The following PAPOLA variants were observed in gnomAD, a reference collection of about 807,000 sequenced individuals.
PAPOLA encodes poly(A) polymerase alpha.
PAPOLA carries 15 observed loss-of-function variants against 100.6 expected under a neutral mutation model. The ratio of observed to expected loss-of-function variants is 0.15; its 90% CI spans 0.10 to 0.23. PAPOLA has a LOEUF of 0.23. Ranked by LOEUF, PAPOLA falls within the 10% of genes least tolerant of loss-of-function variation. The probability of loss-of-function intolerance (pLI) is 1.00; values close to 1 mark genes in which losing one functional copy is unlikely to be tolerated. For missense variants in PAPOLA, 533 were observed against 884.2 expected (o/e 0.60, Z 5.04); for synonymous variants, 293 against 300.0 (o/e 0.98, Z 0.24).
intron 13 of PAPOLA, 99 bp from the exon 14 acceptor site, chr14:96,542,674 TG>T: frequency 9.0e-7 from 1 of 1,111,954 alleles, no homozygotes; most frequent in Non-Finnish European, 1.3e-6. Flanking sequence ...GTTTTATCTG[TG>T]GGAGTTCAGC....
At chr14:96,560,849 TGC>T in intron 20 of PAPOLA, 138 bp downstream of exon 20, 1 of 584,462 alleles carries the variant, frequency 1.7e-6, no homozygotes, top group South Asian at 2.5e-5. Context: ...AATTATGTAA[TGC>T]TGAACACTGA....
Position 96,533,214 on chromosome 14 carries a change from A to G in PAPOLA, c.836+565A>G, listed in dbSNP as rs1183855515. ...CGTTTCATTTCCACATATGTCAACT[A>G]TGATTTAAGAAAAAGTAGAATAAAA... On this transcript the variant is annotated intron_variant, in intron 9 of 21. Coordinates refer to ENST00000216277, the MANE Select transcript of PAPOLA (RefSeq NM_032632.5). 9 of 982,576 alleles carry G rather than the reference A, an allele frequency of 9.2e-6. No homozygotes were observed. The East Asian group carries it at 9.1e-4, about 99-fold the overall frequency. 60.9% of individuals were successfully genotyped at this position (982,576 alleles called of 1,614,324 possible).
Position 96,566,402 on chromosome 14 carries a change from A to G in PAPOLA, c.*1352A>G, listed in dbSNP as rs748380204. 1 of 152,898 alleles carries G rather than the reference A, an allele frequency of 6.5e-6. No individual in the cohort carries two copies. Among genetic ancestry groups the G allele is most frequent in the Non-Finnish European group, 1.5e-5 (1 of 68,214 alleles). 9.5% of individuals were successfully genotyped at this position (152,898 alleles called of 1,614,324 possible). A position where few individuals can be genotyped will look rare whatever the true frequency, so the allele number is the denominator to read the frequency against. On this transcript the variant is annotated 3_prime_UTR_variant, in exon 22 of 22. Coordinates refer to ENST00000216277, the MANE Select transcript of PAPOLA (RefSeq NM_032632.5). ...CTTCACAAAGTATGAGGGATGCCAG[A>G]TGTTGATAAACTTACTCTTTCTGAA... is the stretch of plus-strand genomic sequence containing the variant.
intron 15 of PAPOLA, among the ~76,000 whole-genome samples, chr14:96,547,219 A>G (rs538736761): frequency 1.3e-5 from 2 of 152,176 alleles, no homozygotes; most frequent in East Asian, 3.9e-4. Flanking sequence ...GTTTTGTATG[A>G]CCGACTTTTT....
intron 6 of PAPOLA, among the ~76,000 whole-genome samples, chr14:96,530,185 T>G (rs1898871244): frequency 1.3e-5 from 2 of 152,210 alleles, no homozygotes; most frequent in African/African-American, 2.4e-5. Flanking sequence ...CTTTTTAGTA[T>G]GTAATCAATT....
intron 10 of PAPOLA, chr14:96,535,383 C>A (rs1208594030): frequency 1.0e-6 from 1 of 978,190 alleles, no homozygotes; most frequent in East Asian, 1.1e-4. Context: ...AACAGTATAT[C>A]ATTTCATTAT....
intron 3 of PAPOLA, among the ~76,000 whole-genome samples, chr14:96,524,201 C>T (rs1339638777): frequency 1.3e-5 from 2 of 151,798 alleles, no homozygotes; most frequent in Non-Finnish European, 1.5e-5. Flanking sequence ...ATTGACTAAA[C>T]ACTTCATAAA....
intron 3 of PAPOLA, among the ~76,000 whole-genome samples, chr14:96,522,815 A>G (rs1350257111): frequency 6.6e-6 from 1 of 152,142 alleles, no homozygotes; most frequent in African/African-American, 2.4e-5. Context: ...TGTGGAGTTC[A>G]TTTGACCCAT....
chr14:96,502,607 A>T lies in PAPOLA; in HGVS notation c.8+7A>T. On this transcript the variant is annotated splice_region_variant and intron_variant, in intron 1 of 21. Transcript: ENST00000216277. ...CGCCGGAGACGATGCCGTTGTAAGT[A>T]ATTTGTATTCTGTTTTCTTTCGCTC... The T allele has an allele frequency of 6.3e-7, 1 of 1,577,272 alleles. No individual in the cohort carries two copies. Among genetic ancestry groups the T allele is most frequent in the Non-Finnish European group, 8.6e-7 (1 of 1,161,994 alleles).
chr14:96,534,227 T>C, intron 9 of PAPOLA: 1 of 1,267,092 alleles, frequency 7.9e-7, no homozygotes, highest in Non-Finnish European at 9.9e-7. Context: ...CTTCTTTATT[T>C]AAATAGTCCT....
intron 8 of PAPOLA, 26 bp from the exon 9 acceptor site, chr14:96,532,485 T>C (rs1185931405): frequency 6.2e-7 from 1 of 1,605,712 alleles, no homozygotes; most frequent in Non-Finnish European, 8.5e-7. Flanking sequence ...CACTAACTTA[T>C]CTTTTTGCTT....
chr14:96,555,721 G>C (rs1901260177), intron 17 of PAPOLA, 126 bp from the exon 18 acceptor site: 4 of 492,702 alleles, frequency 8.1e-6, no homozygotes, highest in Non-Finnish European at 1.4e-5. Flanking sequence ...TGTATGTATA[G>C]GAAGTAAAAC....
chr14:96,512,377 A>G, intron 1 of PAPOLA, among the ~76,000 whole-genome samples: 1 of 152,154 alleles, frequency 6.6e-6, no homozygotes, highest in South Asian at 2.1e-4. Context: ...CATCTCTAAA[A>G]TTAAAAAAAT....
intron 3 of PAPOLA, among the ~76,000 whole-genome samples, 156 bp downstream of exon 3, chr14:96,521,228 G>C (rs1897937949): frequency 6.6e-6 from 1 of 152,038 alleles, no homozygotes; most frequent in African/African-American, 2.4e-5. Context: ...TATTTTTCTA[G>C]TTAATTTGGA....
At chr14:96,544,431 C>G (rs896626709) in intron 15 of PAPOLA, among the ~76,000 whole-genome samples, 173 bp downstream of exon 15, 1 of 152,032 alleles carries the variant, frequency 6.6e-6, no homozygotes, top group Admixed American at 6.6e-5. Flanking sequence ...TCCTTATCCA[C>G]AATGCTTGGG....
At chr14:96,502,673 T>C in intron 1 of PAPOLA, 73 bp downstream of exon 1, 2 of 1,519,588 alleles carry the variant, frequency 1.3e-6, no homozygotes, top group Non-Finnish European at 1.8e-6. Context: ...GGGGAAGAGG[T>C]AGGCGGAGAG....
intron 10 of PAPOLA, chr14:96,535,154 A>T (rs1899408444): frequency 1.1e-6 from 1 of 942,190 alleles, no homozygotes; most frequent in African/African-American, 1.8e-5. Flanking sequence ...GCACTTTATA[A>T]ACTGATAAAA....
chr14:96,541,375 G>A (rs1899975249), intron 12 of PAPOLA, among the ~76,000 whole-genome samples: 1 of 152,146 alleles, frequency 6.6e-6, no homozygotes, highest in South Asian at 2.1e-4. Flanking sequence ...TTTGAAACTA[G>A]TGTCAGTACT....
At chr14:96,548,676 C>A (rs1298048978) in intron 16 of PAPOLA, among the ~76,000 whole-genome samples, 30 of 151,888 alleles carry the variant, frequency 2.0e-4, no homozygotes, top group Admixed American at 2.0e-3. Context: ...CTTGATACTT[C>A]CATATAAAGT....
Sources: allele counts gnomAD v4.1 joint callset (sites outside exome capture counted in the v4.1 genomes callset), GRCh38; gene constraint gnomAD v4.1.1; transcripts MANE v1.5; gene names NCBI Gene and HGNC (gene_info 2026-07-23, HGNC 2026-07-21).